RRM2B: variants seen among roughly 807,000 people sequenced by gnomAD.
The protein encoded by RRM2B is ribonucleotide reductase regulatory TP53 inducible subunit M2B, also known as ribonucleoside-diphosphate reductase subunit M2 B.
In RRM2B, 20 loss-of-function variants were observed where a neutral mutation model predicts 45.9. The ratio of observed to expected loss-of-function variants is 0.44; its 90% confidence interval spans 0.31 to 0.63. The LOEUF (loss-of-function observed/expected upper bound fraction) is 0.63. Ranked by LOEUF, RRM2B falls within the 30% of genes least tolerant of loss-of-function variation. RRM2B has a pLI of 0.09. For synonymous variants in RRM2B, 124 were observed against 132.3 expected, an observed-to-expected ratio of 0.94 and a Z score of 0.43; for missense variants, 320 against 414.7, an observed-to-expected ratio of 0.77 and a Z score of 1.98.
chr8:102,232,791 G>A (rs1811055053), intron 1 of RRM2B, among the ~76,000 whole-genome samples: 1 of 152,170 alleles, frequency 6.6e-6, no homozygotes, highest in Admixed American at 6.6e-5. Context: ...ACTCTTCACT[G>A]AAATAATATA....
Position 102,207,306 on chromosome 8 carries a change from T to C in RRM2B, c.*827A>G, listed in dbSNP as rs1484505174. On this transcript the variant is annotated 3_prime_UTR_variant, in exon 9 of 9. Coordinates refer to ENST00000251810, the MANE Select transcript of RRM2B (RefSeq NM_015713.5). Reference sequence around the variant, plus strand: ...GAGCTAATAGCTCTTAGAATATTCTTTGGAAAATGCTATTCTAGCCTGATT... The same window carrying C: ...GAGCTAATAGCTCTTAGAATATTCTCTGGAAAATGCTATTCTAGCCTGATT... 6.6e-6 allele frequency: 1 copy of C among 152,234 alleles called. No individual in the cohort carries two copies. The highest frequency in any genetic ancestry group is 6.5e-5 in the Admixed American group (1 of 15,286). 9.4% of individuals were successfully genotyped at this position (152,234 alleles called of 1,614,324 possible).
intron 7 of RRM2B, among the ~76,000 whole-genome samples, chr8:102,213,274 A>G (rs899572967): frequency 1.3e-5 from 2 of 152,184 alleles, no homozygotes; most frequent in African/African-American, 4.8e-5. Flanking sequence ...GAGCTGGGAA[A>G]GAAAGAAAAA....
At chr8:102,230,363 C>T (rs1811006845) in intron 2 of RRM2B, among the ~76,000 whole-genome samples, 1 of 152,188 alleles carries the variant, frequency 6.6e-6, no homozygotes, top group Non-Finnish European at 1.5e-5. Context: ...ATTAGTGTTG[C>T]TTTGTTACAG....
At position 102,218,915 on chromosome 8, in the gene RRM2B, C is replaced by T. The variant is rs515726192; in HGVS notation, c.583G>A (p.Gly195Arg). 8 of 1,613,540 alleles carry T rather than the reference C, an allele frequency of 5.0e-6. No individual in the cohort carries two copies. Among genetic ancestry groups the T allele is most frequent in the Non-Finnish European group, 6.8e-6 (8 of 1,179,646 alleles). ...ERVVAFAAVE[G>R]VFFSGSFAAI... ...GCAAAAGATCCTGAGAAGAAAACTC[C>T]TTCTACAGCAGCAAAGGCCACCACT... The change falls in exon 6 of 9, where the codon GGA (glycine) becomes AGA (arginine). Residue 195 changes from glycine to arginine, a missense_variant. Gly to Arg is a moderately radical substitution (Grantham distance 125, BLOSUM62 -2). This residue lies in a region of RRM2B where 225 missense variants were observed against 289.4 expected (regional missense o/e 0.78). Coordinates refer to ENST00000251810, the MANE Select transcript of RRM2B (RefSeq NM_015713.5).
At position 102,237,004 on chromosome 8, in the gene RRM2B, A is replaced by AGT. The variant is rs1227369615; in HGVS notation, c.48+1822_48+1823insAC. ...CTTTATGTCTCTTCTACTTCTGTAA[A>AGT]ATAGCTGTATGTTGTCATAGTCATA... On this transcript the variant is annotated intron_variant, in intron 1 of 8. Coordinates refer to ENST00000251810, the MANE Select transcript of RRM2B (RefSeq NM_015713.5). Among the ~76,000 whole-genome samples the AGT allele has an allele frequency of 8.5e-3, 1,292 of 152,288 alleles. 13 individuals are homozygous for AGT. The highest frequency in any genetic ancestry group is 0.03 in the African/African-American group (1,248 of 41,550).
chr8:102,225,119 G>A (rs768362540), intron 3 of RRM2B, 101 bp from the exon 4 acceptor site: 8 of 1,214,718 alleles, frequency 6.6e-6, no homozygotes, highest in South Asian at 1.3e-5. Context: ...AAAACTGCCT[G>A]TCATGTAACA....
rs121918311 is a variant in RRM2B at position 102,214,157 on chromosome 8, C to A, written c.686G>T (p.Gly229Val). ...FSNELISRDE[G>V]LHCDFACLMF... ...CAGGCAAGCAAAGTCACAGTGAAGT[C>A]CCTAAAAGGGAAGAAAAATGTCATT... Residue 229 changes from glycine to valine, a missense_variant and splice_region_variant, in exon 7 of 9, where the codon GGA becomes GTA. Transcript: ENST00000251810. The A allele has an allele frequency of 1.1e-5, 17 of 1,604,770 alleles. No homozygotes were observed. Among genetic ancestry groups the A allele is most frequent in the Non-Finnish European group, 1.5e-5 (17 of 1,171,932 alleles).
At chr8:102,224,443 G>A (rs1168077037) in intron 4 of RRM2B, among the ~76,000 whole-genome samples, 1 of 151,930 alleles carries the variant, frequency 6.6e-6, no homozygotes, top group Non-Finnish European at 1.5e-5. Flanking sequence ...CAAGGTGCTG[G>A]GATTACAGCC....
intron 3 of RRM2B, among the ~76,000 whole-genome samples, chr8:102,225,671 T>C (rs1160236357): frequency 6.6e-6 from 1 of 152,238 alleles, no homozygotes; most frequent in Non-Finnish European, 1.5e-5. Context: ...GCTTACTATC[T>C]GAGAGTAAAA....
chr8:102,237,967 A>G lies in RRM2B; in HGVS notation c.48+860T>C, dbSNP rs1189464401. ...GTATTAAATCAAAGATACCACAGCA[A>G]CAGGTTCCAGTAGTACAAAAAGCAT... On this transcript the variant is annotated intron_variant, in intron 1 of 8. Coordinates refer to ENST00000251810, the MANE Select transcript of RRM2B (RefSeq NM_015713.5). 2.0e-5 allele frequency among the ~76,000 whole-genome samples: 3 copies of G among 152,242 alleles called. No homozygotes were observed. The East Asian group carries it at 5.8e-4, about 29-fold the overall frequency.
chr8:102,237,136 T>C (rs1811135106), intron 1 of RRM2B, among the ~76,000 whole-genome samples: 1 of 152,222 alleles, frequency 6.6e-6, no homozygotes, highest in Non-Finnish European at 1.5e-5. Context: ...GCTCCTCTAC[T>C]GAGTCCTGGG....
In RRM2B at chr8:102,238,709, G is replaced by A. The variant is rs779614160; in HGVS notation, c.48+118C>T. 1.3e-5 allele frequency: 21 copies of A among 1,571,190 alleles called. No homozygotes were observed. The Admixed American group carries it at 1.8e-4, about 14-fold the overall frequency. ...GACGAAGCCAGGCTGCGGCGAGGGC[G>A]GGCGGACAGGCCTGTCCTGACCGCG... On this transcript the variant is annotated intron_variant, in intron 1 of 8. Coordinates refer to ENST00000251810, the MANE Select transcript of RRM2B (RefSeq NM_015713.5).
intron 8 of RRM2B, among the ~76,000 whole-genome samples, chr8:102,211,378 T>C (rs1810633587): frequency 6.6e-6 from 1 of 152,224 alleles, no homozygotes; most frequent in Admixed American, 6.5e-5. Flanking sequence ...GCATTAAAAA[T>C]CTAAGGCCTC....
intron 1 of RRM2B, 32 bp downstream of exon 1, chr8:102,238,795 G>T: frequency 6.2e-7 from 1 of 1,613,726 alleles, no homozygotes; most frequent in Non-Finnish European, 8.5e-7. Context: ...GCGTGACTGC[G>T]GTGAGGGGGA....
At chr8:102,236,180 G>C (rs944934515) in intron 1 of RRM2B, among the ~76,000 whole-genome samples, 2 of 152,148 alleles carry the variant, frequency 1.3e-5, no homozygotes, top group African/African-American at 4.8e-5. Flanking sequence ...AAGAGGTTAG[G>C]AATCAATTTT....
chr8:102,209,339 T>C (rs1345902645), intron 8 of RRM2B, among the ~76,000 whole-genome samples: 4 of 152,128 alleles, frequency 2.6e-5, no homozygotes, highest in African/African-American at 4.8e-5. Flanking sequence ...AGTGTCTAAA[T>C]AGACAAACTG....
intron 5 of RRM2B, among the ~76,000 whole-genome samples, chr8:102,221,170 A>G (rs1307754646): frequency 6.6e-6 from 1 of 152,198 alleles, no homozygotes; most frequent in Non-Finnish European, 1.5e-5. Context: ...TATAATTAGG[A>G]AAATTTTTGC....
Position 102,232,299 on chromosome 8 carries a change from T to G in RRM2B, c.54A>C (p.Ser18=). ...TTTCACTTTCGTTGGTGTCTGAAGATGATCTCTTTGAAAAATAAAGTACAA... is the reference window on the plus strand; with the variant it reads ...TTTCACTTTCGTTGGTGTCTGAAGAGGATCTCTTTGAAAAATAAAGTACAA... The part of the protein sequence containing the change: ...EAAGLDQDER[S]SSDTNESEIK... The change falls in exon 2 of 9, where the codon TCA becomes TCC. Residue 18 remains serine, a synonymous_variant. Transcript: ENST00000251810. 6.2e-7 allele frequency: 1 copy of G among 1,613,998 alleles called. No homozygotes were observed. The highest frequency in any genetic ancestry group is 8.5e-7 in the Non-Finnish European group (1 of 1,179,868).
chr8:102,220,167 A>G (rs1810805829), intron 5 of RRM2B, among the ~76,000 whole-genome samples: 1 of 152,186 alleles, frequency 6.6e-6, no homozygotes, highest in South Asian at 2.1e-4. Context: ...TGAGCCCAGG[A>G]GGTCAAGGCT....
Sources: allele counts gnomAD v4.1 joint callset (sites outside exome capture counted in the v4.1 genomes callset), GRCh38; gene constraint gnomAD v4.1.1; regional missense constraint gnomAD v4.1.1; transcripts MANE v1.5; gene names NCBI Gene and HGNC (gene_info 2026-07-23, HGNC 2026-07-21).